Variants in ADCY9 observed in about 807,000 individuals in gnomAD.
ADCY9 encodes adenylate cyclase 9, also known as adenylate cyclase type 9.
ADCY9 carries 50 observed loss-of-function variants against 101.5 expected under a neutral mutation model. The ratio of observed to expected loss-of-function variants is 0.49; its 90% CI spans 0.39 to 0.62. The LOEUF is 0.62. Ranked by LOEUF, ADCY9 falls within the 20% of genes least tolerant of loss-of-function variation. ADCY9 has a pLI of 0.00. For missense variants in ADCY9, 1,662 were observed against 1,800.4 expected, an observed-to-expected ratio of 0.92 and a Z score of 1.39; for synonymous variants, 905 against 769.3, an observed-to-expected ratio of 1.18 and a Z score of -2.92.
chr16:4,065,595 G>A (rs1055919735), intron 2 of ADCY9, among the ~76,000 whole-genome samples: 5 of 152,128 alleles, frequency 3.3e-5, no homozygotes, highest in Middle Eastern at 3.4e-3. Flanking sequence ...TTATTGAGAC[G>A]GAGTCTCACT....
At chr16:4,049,320 G>C (rs565856342) in intron 2 of ADCY9, among the ~76,000 whole-genome samples, 9 of 152,274 alleles carry the variant, frequency 5.9e-5, no homozygotes, top group African/African-American at 1.7e-4. Flanking sequence ...CTGCAGTGGA[G>C]AGAAAGTCGG....
At chr16:4,038,864 G>A (rs542674871) in intron 2 of ADCY9, among the ~76,000 whole-genome samples, 3 of 151,920 alleles carry the variant, frequency 2.0e-5, no homozygotes, top group African/African-American at 4.8e-5. Flanking sequence ...TGTCTCTCGG[G>A]CCCCAGCAAA....
intron 5 of ADCY9, among the ~76,000 whole-genome samples, chr16:3,954,354 G>T (rs2055896554): frequency 6.6e-6 from 1 of 152,194 alleles, no homozygotes; most frequent in African/African-American, 2.4e-5. Flanking sequence ...GGGATTGGGT[G>T]GGGCTCTCTG....
intron 2 of ADCY9, among the ~76,000 whole-genome samples, chr16:4,012,580 T>A (rs1486508864): frequency 6.6e-6 from 1 of 151,928 alleles, no homozygotes; most frequent in African/African-American, 2.4e-5. Flanking sequence ...ATTTTAAACC[T>A]CAACAACAGC....
intron 2 of ADCY9, among the ~76,000 whole-genome samples, chr16:4,083,653 G>A (rs1036895281): frequency 9.5e-4 from 144 of 152,218 alleles, no homozygotes; most frequent in African/African-American, 3.2e-3. Context: ...TAAACAAAAC[G>A]CAATGGAATA....
chr16:4,010,997 G>C (rs1282011054), intron 2 of ADCY9, among the ~76,000 whole-genome samples: 1 of 152,186 alleles, frequency 6.6e-6, no homozygotes, highest in Non-Finnish European at 1.5e-5. Flanking sequence ...CCAGCCTCCT[G>C]AAGCATGAGG....
chr16:4,063,118 A>C (rs557921272), intron 2 of ADCY9, among the ~76,000 whole-genome samples: 6 of 152,328 alleles, frequency 3.9e-5, no homozygotes, highest in African/African-American at 1.2e-4. Context: ...AGTATCAATA[A>C]ATTTAAAAGA....
rs1415390224 is a variant in ADCY9 at position 4,115,311 on chromosome 16, C to T, written c.132G>A (p.Lys44=). The part of the protein sequence containing the change: ...PKQLSSNSHP[K]HCKYSISSSC... The stretch of plus-strand genomic sequence containing the variant: ...TAGAGGAGATGCTGTATTTGCAGTG[C>T]TTGGGGTGGCTGTTGGAGGACAGCT... Residue 44 remains lysine, a synonymous_variant, in exon 2 of 11, where the codon AAG becomes AAA. Transcript: ENST00000294016. This position sits in a 1 kb window ranked among gnomAD's most constrained non-coding sequence, Gnocchi z 6.2. 6.2e-7 allele frequency: 1 copy of T among 1,613,654 alleles called. No homozygotes were observed. Among genetic ancestry groups the T allele is most frequent in the Non-Finnish European group, 8.5e-7 (1 of 1,179,884 alleles).
intron 2 of ADCY9, among the ~76,000 whole-genome samples, chr16:4,079,936 TA>T (rs1257276462): frequency 6.6e-6 from 1 of 152,036 alleles, no homozygotes; most frequent in Non-Finnish European, 1.5e-5. Context: ...AAAAAATTAA[TA>T]AAAATAAGAT....
intron 2 of ADCY9, among the ~76,000 whole-genome samples, chr16:4,056,787 C>A (rs11076805): frequency 0.23 from 35,049 of 151,986 alleles, 4,277 homozygotes; most frequent in Non-Finnish European, 0.27. Context: ...TATAATTCGG[C>A]ATGACGATGG....
At chr16:4,097,322 A>T (rs2057010011) in intron 2 of ADCY9, among the ~76,000 whole-genome samples, 2 of 151,216 alleles carry the variant, frequency 1.3e-5, no homozygotes, top group Admixed American at 1.3e-4. Flanking sequence ...GACCCTCCGG[A>T]GCCTCTATTT....
intron 2 of ADCY9, among the ~76,000 whole-genome samples, chr16:4,097,552 TA>T (rs1363145558): frequency 0.039 from 1,668 of 42,726 alleles, 62 homozygotes; most frequent in Non-Finnish European, 0.055. Context: ...TATATATATA[TA>T]TTTTTTTTTT....
rs375419088 is a variant in ADCY9, at chr16:3,983,224, G to A, written c.2519+8C>T. 77 of 1,547,656 alleles carry A rather than the reference G, an allele frequency of 5.0e-5. No homozygotes were observed. In the African/African-American group the frequency reaches 8.2e-4, roughly 16 times the overall value. On this transcript the variant is annotated splice_region_variant and intron_variant, in intron 7 of 10. Coordinates refer to ENST00000294016, the MANE Select transcript of ADCY9 (RefSeq NM_001116.4). ...CAGAGCTGGAGACCCAGTCCACGCG[G>A]CGCTTACCTGATGGACACCGCGAGG...
chr16:3,981,022 GT>G (rs1567420769), intron 7 of ADCY9, among the ~76,000 whole-genome samples: 1 of 152,222 alleles, frequency 6.6e-6, no homozygotes, highest in African/African-American at 2.4e-5. Flanking sequence ...TGGGGTGCCC[GT>G]ATACCCCACA....
At chr16:4,061,129 G>C (rs1350256274) in intron 2 of ADCY9, among the ~76,000 whole-genome samples, 2 of 151,766 alleles carry the variant, frequency 1.3e-5, no homozygotes, top group African/African-American at 4.8e-5. Flanking sequence ...CATGGGAGAA[G>C]AAAGAATCAG....
In ADCY9 at chr16:4,021,201, C is replaced by T. The variant is rs76404588; in HGVS notation, c.1694-13643G>A. Among the ~76,000 whole-genome samples, 313 of 152,342 alleles carry T rather than the reference C, an allele frequency of 2.1e-3. 4 individuals are homozygous for T. Among genetic ancestry groups the T allele is most frequent in the Middle Eastern group, 3.4e-3 (1 of 294 alleles). On this transcript the variant is annotated intron_variant, in intron 2 of 10. Coordinates refer to ENST00000294016, the MANE Select transcript of ADCY9 (RefSeq NM_001116.4). Reference sequence around the variant, plus strand: ...AGCACATGTATTAAACACACTGCTGCACAATGGGCGTGCCATGGGTGCTCT... The same window carrying T: ...AGCACATGTATTAAACACACTGCTGTACAATGGGCGTGCCATGGGTGCTCT...
chr16:4,039,900 A>G (rs908449572), intron 2 of ADCY9, among the ~76,000 whole-genome samples: 1 of 152,062 alleles, frequency 6.6e-6, no homozygotes, highest in Admixed American at 6.6e-5. Context: ...TTAGCTGGGC[A>G]TGATGGTGCA....
chr16:4,057,927 G>A lies in ADCY9; in HGVS notation c.1694-50369C>T, dbSNP rs763644355. Among the ~76,000 whole-genome samples, 6 of 152,176 alleles carry A rather than the reference G, an allele frequency of 3.9e-5. No homozygotes were observed. The East Asian group carries it at 1.2e-3, about 29-fold the overall frequency. ...TAATCCCAGCACTTTGGGAGGCCAA[G>A]GTGGGCAGATCGCTTCAGGTCAAGA... is the stretch of plus-strand genomic sequence containing the variant. On this transcript the variant is annotated intron_variant, in intron 2 of 10. Coordinates refer to ENST00000294016, the MANE Select transcript of ADCY9 (RefSeq NM_001116.4).
chr16:4,086,952 G>A (rs1315747132), intron 2 of ADCY9, among the ~76,000 whole-genome samples: 1 of 151,840 alleles, frequency 6.6e-6, no homozygotes, highest in African/African-American at 2.4e-5. Flanking sequence ...GAGCCACCAC[G>A]CCCAGCCCTC....
Sources: gnomAD v4.1 joint callset for allele counts (sites outside exome capture counted in the v4.1 genomes callset) on GRCh38, gnomAD v4.1.1 for gene constraint, Gnocchi (gnomAD v3.1) non-coding constraint, MANE v1.5 for transcripts, NCBI Gene and HGNC (gene_info 2026-07-23, HGNC 2026-07-21) for gene names.